Variants in LZTS3 observed in about 807,000 individuals in gnomAD.
LZTS3 encodes the protein leucine zipper tumor suppressor family member 3.
LZTS3 carries 16 observed loss-of-function variants against 50.9 expected under a neutral mutation model. The ratio of observed to expected loss-of-function variants is 0.31; its 90% CI spans 0.21 to 0.48. LZTS3 has a LOEUF of 0.48. LZTS3 is among the 20% of genes least tolerant of loss of function. The probability of loss-of-function intolerance (pLI) is 0.99; values close to 1 mark genes in which losing one functional copy is unlikely to be tolerated. For missense variants in LZTS3, 816 were observed against 931.0 expected (o/e 0.88, Z 1.61); for synonymous variants, 408 against 410.6 (o/e 0.99, Z 0.08).
chr20:3,171,941 C>T (rs1253306780), intron 1 of LZTS3, among the ~76,000 whole-genome samples: 1 of 152,182 alleles, frequency 6.6e-6, no homozygotes, highest in Non-Finnish European at 1.5e-5. Context: ...CTCTACCTGA[C>T]AGTTACATGT....
chr20:3,167,120 C>A lies in LZTS3; in HGVS notation c.44G>T (p.Arg15Leu). Residue 15 changes from arginine to leucine, a missense_variant, in exon 3 of 5, where the codon CGG (arginine) becomes CTG (leucine). Physicochemically the swap from Arg to Leu is moderately radical, Grantham distance 102. Around this residue, in one of 3 missense-constraint regions of LZTS3, gnomAD observed 700 missense variants for 769.4 expected, o/e 0.91. Coordinates refer to ENST00000337576, the MANE Select transcript of LZTS3 (RefSeq NM_001365618.1). ...ETLPVRADPG[R>L]DPLLAFAPRP... is the part of the protein sequence containing the mutation. ...TGGGGCAAAGGCCAGGAGAGGATCCCGCCCTGGGTCAGCGCGCACAGGCAG... is the reference window on the plus strand; with the variant it reads ...TGGGGCAAAGGCCAGGAGAGGATCCAGCCCTGGGTCAGCGCGCACAGGCAG... The A allele has an allele frequency of 3.3e-6, 5 of 1,504,912 alleles. No individual in the cohort carries two copies. In the East Asian group the frequency reaches 9.3e-5, roughly 28 times the overall value. The allele number at this position is 1,504,912 out of a possible 1,614,324, so 93.2% of individuals were successfully genotyped here.
rs758725766 is a variant in LZTS3, at chr20:3,166,870, G to A, written c.294C>T (p.Tyr98=). The A allele has an allele frequency of 1.2e-6, 2 of 1,613,772 alleles. No homozygotes were observed. Among genetic ancestry groups the A allele is most frequent in the African/African-American group, 1.3e-5 (1 of 75,054 alleles). Residue 98 remains tyrosine (Y), a synonymous_variant, in exon 3 of 5, where the codon TAC becomes TAT. Transcript: ENST00000337576. ...CACTGCCCCGCAGCTCACCATTGAG[G>A]TAGAGGGAGTTGGCGAGACCCTTGT... The part of the protein sequence containing the change: ...SEDKGLANSL[Y]LNGELRGSDH...
rs1381123541 is a variant in LZTS3, at chr20:3,165,397, C to CG, written c.1323+99_1323+100insC. ...TGTCCCCCCTGCTCCTTTCATCCCC[C>CG]CCCCCATCCCACCGTTATGATAGTG... On this transcript the variant is annotated intron_variant, in intron 4 of 4. Coordinates refer to ENST00000337576, the MANE Select transcript of LZTS3 (RefSeq NM_001365618.1). The surrounding 1 kb of genome is among the most constrained non-coding windows in gnomAD (Gnocchi z 5.0). 7.7e-6 allele frequency: 9 copies of CG among 1,173,846 alleles called. No homozygotes were observed. The African/African-American group carries it at 1.5e-4, about 19-fold the overall frequency. 72.7% of individuals were successfully genotyped at this position (1,173,846 alleles called of 1,614,324 possible).
At position 3,165,407 on chromosome 20, in the gene LZTS3, C is replaced by CCCCCCCCCCCG; in HGVS notation, c.1323+89_1323+90insCGGGGGGGGGG. 8.4e-7 allele frequency: 1 copy of CCCCCCCCCCCG among 1,192,096 alleles called. No homozygotes were observed. The highest frequency in any genetic ancestry group is 1.1e-6 in the Non-Finnish European group (1 of 888,904). The allele number at this position is 1,192,096 out of a possible 1,614,324, so 73.8% of individuals were successfully genotyped here. On this transcript the variant is annotated intron_variant, in intron 4 of 4. Transcript: ENST00000337576. The surrounding 1 kb of genome is among the most constrained non-coding windows in gnomAD (Gnocchi z 5.0). ...GCTCCTTTCATCCCCCCCCCCATCC[C>CCCCCCCCCCCG]ACCGTTATGATAGTGAGGGGCAACT...
In LZTS3 at chr20:3,169,828, GTAA is replaced by G. The variant is rs2066879662; in HGVS notation, c.-242-1870_-242-1868del. Among the ~76,000 whole-genome samples, 6 of 143,968 alleles carry G rather than the reference GTAA, an allele frequency of 4.2e-5. No homozygotes were observed. The Admixed American group carries it at 4.3e-4, about 10-fold the overall frequency. The allele number at this position is 143,968 out of a possible 152,430, so 94.4% of individuals were successfully genotyped here. ...CAGGAGGCAGAGGTTGCAGTGAGCT[GTAA>G]TTGCACCACTGCACTCCAGCCTGGG... On this transcript the variant is annotated intron_variant, in intron 1 of 4. Transcript: ENST00000337576.
rs746332727 is a variant in LZTS3 at position 3,165,875 on chromosome 20, G to C, written c.945C>G (p.Pro315=). ...GCTCCTGGATGAGTGCACTGGGGGAGGGCGGTGAGCAGGCCGCGAAAGGCA... is the reference window on the plus strand; with the variant it reads ...GCTCCTGGATGAGTGCACTGGGGGACGGCGGTGAGCAGGCCGCGAAAGGCA... ...GGLPFAACSP[P]SPSALIQELE... is the part of the protein sequence containing the mutation. Residue 315 remains proline (P), a synonymous_variant, in exon 4 of 5, where the codon CCC becomes CCG. Transcript: ENST00000337576. The surrounding 1 kb of genome is among the most constrained non-coding windows in gnomAD (Gnocchi z 5.0). 2 of 1,606,574 alleles carry C rather than the reference G, an allele frequency of 1.2e-6. No homozygotes were observed. Among genetic ancestry groups the C allele is most frequent in the African/African-American group, 2.7e-5 (2 of 74,912 alleles).
rs746599324 is a variant in LZTS3, at chr20:3,166,159, G to A, written c.661C>T (p.Arg221Trp). 15 of 1,613,664 alleles carry A rather than the reference G, an allele frequency of 9.3e-6. No individual in the cohort carries two copies. Among genetic ancestry groups the A allele is most frequent in the East Asian group, 6.7e-5 (3 of 44,886 alleles). ...GTGGGCAGGCTTGTGAGGGAGTTCC[G>A]GCCTGAGTCTGAGAGGCCACTCCCA... ...GSGSGLSDSG[R>W]NSLTSLPTYS... is the part of the protein sequence containing the mutation. Residue 221 changes from arginine to tryptophan, a missense_variant, in exon 4 of 5, where the codon CGG becomes TGG. Arg to Trp is a moderately radical substitution (Grantham distance 101, BLOSUM62 -3). This residue lies in a region of LZTS3 where 700 missense variants were observed against 769.4 expected (regional missense o/e 0.91). Coordinates refer to ENST00000337576, the MANE Select transcript of LZTS3 (RefSeq NM_001365618.1).
At chr20:3,171,183 G>A (rs535166264) in intron 1 of LZTS3, among the ~76,000 whole-genome samples, 1 of 152,130 alleles carries the variant, frequency 6.6e-6, no homozygotes, top group Non-Finnish European at 1.5e-5. Flanking sequence ...TGAGATCCGG[G>A]AAAGGACAAC....
At chr20:3,167,681 A>G in intron 2 of LZTS3, 57 bp downstream of exon 2, 1 of 986,694 alleles carries the variant, frequency 1.0e-6, no homozygotes, top group Non-Finnish European at 1.2e-6. Context: ...TAGGGGAGGG[A>G]GAGAAATACA....
Position 3,165,417 on chromosome 20 carries a change from A to T in LZTS3, c.1323+80T>A. ...TCCCCCCCCCCATCCCACCGTTATG[A>T]TAGTGAGGGGCAACTGCTCTGGGGT... On this transcript the variant is annotated intron_variant, in intron 4 of 4. Transcript: ENST00000337576. The surrounding 1 kb of genome is among the most constrained non-coding windows in gnomAD (Gnocchi z 5.0). 6.3e-6 allele frequency: 5 copies of T among 798,094 alleles called. No individual in the cohort carries two copies. Among genetic ancestry groups the T allele is most frequent in the Non-Finnish European group, 8.9e-6 (5 of 562,722 alleles). 49.4% of individuals were successfully genotyped at this position (798,094 alleles called of 1,614,324 possible).
chr20:3,165,671 C>T lies in LZTS3; in HGVS notation c.1149G>A (p.Gln383=). ...GKLQQVARRA[Q]RAQQGLQLQV... ...GCAGCTGTAGGCCCTGCTGGGCGCG[C>T]TGGGCACGTCGGGCCACCTGCTGTA... is the stretch of plus-strand genomic sequence containing the variant. Residue 383 remains glutamine (Q), a synonymous_variant, in exon 4 of 5, where the codon CAG becomes CAA. Transcript: ENST00000337576. This position sits in a 1 kb window ranked among gnomAD's most constrained non-coding sequence, Gnocchi z 5.0. The T allele has an allele frequency of 6.3e-7, 1 of 1,586,624 alleles. No homozygotes were observed. The highest frequency in any genetic ancestry group is 8.5e-7 in the Non-Finnish European group (1 of 1,173,822).
chr20:3,167,085 C>T lies in LZTS3; in HGVS notation c.79G>A (p.Glu27Lys), dbSNP rs528769132. ...PLLAFAPRPS[E>K]LGPPDPRLAM... is the part of the protein sequence containing the mutation. ...AGGCGGGGGTCCGGGGGTCCAAGCT[C>T]GGAGGGCCGTGGGGCAAAGGCCAGG... Residue 27 changes from glutamate to lysine, a missense_variant, in exon 3 of 5, where the codon GAG becomes AAG. Transcript: ENST00000337576. 22 of 1,542,784 alleles carry T rather than the reference C, an allele frequency of 1.4e-5. No homozygotes were observed. Among genetic ancestry groups the T allele is most frequent in the African/African-American group, 4.1e-5 (3 of 74,048 alleles).
intron 1 of LZTS3, among the ~76,000 whole-genome samples, chr20:3,171,616 C>T (rs2066903606): frequency 1.3e-5 from 2 of 149,722 alleles, no homozygotes; most frequent in African/African-American, 2.5e-5. Flanking sequence ...AGTGATATTG[C>T]GCCACTGCAC....
rs747335135 is a variant in LZTS3 at position 3,165,766 on chromosome 20, C to T, written c.1054G>A (p.Val352Ile). 2.5e-6 allele frequency: 4 copies of T among 1,580,774 alleles called. No individual in the cohort carries two copies. The South Asian group carries it at 3.4e-5, about 13-fold the overall frequency. Residue 352 changes from valine (V) to isoleucine (I), a missense_variant, in exon 4 of 5, where the codon GTA (valine) becomes ATA (isoleucine). Coordinates refer to ENST00000337576, the MANE Select transcript of LZTS3 (RefSeq NM_001365618.1). The surrounding 1 kb of genome is among the most constrained non-coding windows in gnomAD (Gnocchi z 5.0). ...CACGCCTTCTGCCGCTCCTCCAGTA[C>T]CTGGGCCACAGCCGCCTCGCTCTGC... is the stretch of plus-strand genomic sequence containing the variant. ...LEQSEAAVAQ[V>I]LEERQKAWER... is the part of the protein sequence containing the mutation.
rs769528398 is a variant in LZTS3, at chr20:3,166,789, ACTG to A, written c.372_374del (p.Ser125del). On this transcript the variant is annotated inframe_deletion, in exon 3 of 5. Coordinates refer to ENST00000337576, the MANE Select transcript of LZTS3 (RefSeq NM_001365618.1). Reference sequence around the variant, plus strand: ...GCGGTGGGGCTTTGTCACTGCCACCACTGCTGCTGCTGCCTCCGCTGCTGCCAA... The same window carrying A: ...GCGGTGGGGCTTTGTCACTGCCACCACTGCTGCTGCCTCCGCTGCTGCCAA... The A allele has an allele frequency of 2.7e-5, 44 of 1,613,284 alleles. No homozygotes were observed. In the South Asian group the frequency reaches 4.4e-4, roughly 16 times the overall value.
At chr20:3,171,918 G>A (rs2066907425) in intron 1 of LZTS3, among the ~76,000 whole-genome samples, 1 of 152,100 alleles carries the variant, frequency 6.6e-6, no homozygotes, top group Admixed American at 6.5e-5. Context: ...GCGTCATGAG[G>A]GGGCCAAACG....
chr20:3,166,436 G>A, intron 3 of LZTS3, 76 bp from the exon 4 acceptor site: 1 of 1,487,342 alleles, frequency 6.7e-7, no homozygotes, highest in Non-Finnish European at 8.9e-7. Flanking sequence ...CTCTGGCCAA[G>A]ACTTGTCCAG....
At chr20:3,170,900 A>G (rs2122202196) in intron 1 of LZTS3, among the ~76,000 whole-genome samples, 1 of 152,326 alleles carries the variant, frequency 6.6e-6, no homozygotes, top group African/African-American at 2.4e-5. Context: ...AAAAGAGAAG[A>G]CAGTTATTTA....
Position 3,168,981 on chromosome 20 carries a change from T to C in LZTS3, c.-242-1020A>G, listed in dbSNP as rs1369294840. Among the ~76,000 whole-genome samples the C allele has an allele frequency of 2.0e-5, 3 of 152,186 alleles. No individual in the cohort carries two copies. The East Asian group carries it at 5.8e-4, about 29-fold the overall frequency. Reference sequence around the variant, plus strand: ...TGAGAGCTCTAGGTTGTTGGAAAGTTCACTACCAAGCCTGTCCACTGTCTC... The same window carrying C: ...TGAGAGCTCTAGGTTGTTGGAAAGTCCACTACCAAGCCTGTCCACTGTCTC... On this transcript the variant is annotated intron_variant, in intron 1 of 4. Transcript: ENST00000337576.
Sources: allele counts gnomAD v4.1 joint callset (sites outside exome capture counted in the v4.1 genomes callset), GRCh38; gene constraint gnomAD v4.1.1; regional missense constraint gnomAD v4.1.1; non-coding constraint Gnocchi (gnomAD v3.1); transcripts MANE v1.5; gene names NCBI Gene and HGNC (gene_info 2026-07-23, HGNC 2026-07-21).